STK31: variants seen among roughly 807,000 people sequenced by gnomAD.
The protein encoded by STK31 is serine/threonine-protein kinase 31.
In STK31, 89 loss-of-function variants were observed where a neutral mutation model predicts 129.7. That is an observed-to-expected ratio of 0.69 (90% CI 0.58 to 0.82). The LOEUF (loss-of-function observed/expected upper bound fraction) is 0.82, where lower values mean the gene tolerates loss of function less well. Ranked by LOEUF, STK31 falls within the 40% of genes least tolerant of loss-of-function variation. The pLI is 0.00. For missense variants in STK31, 1,187 were observed against 1,176.4 expected, an observed-to-expected ratio of 1.01 and a Z score of -0.13; for synonymous variants, 448 against 395.3, an observed-to-expected ratio of 1.13 and a Z score of -1.58.
chr7:23,713,858 T>C (rs1786128113), intron 3 of STK31, among the ~76,000 whole-genome samples: 1 of 151,750 alleles, frequency 6.6e-6, no homozygotes, highest in Non-Finnish European at 1.5e-5. Context: ...TAAGAAAAAT[T>C]ATAGTAAAAA....
chr7:23,805,437 A>C (rs377146146), intron 22 of STK31, among the ~76,000 whole-genome samples: 1 of 151,918 alleles, frequency 6.6e-6, no homozygotes, highest in Admixed American at 6.6e-5. Flanking sequence ...AAGGCATTAC[A>C]TTTTATTTCT....
rs1790069282 is a variant in STK31, at chr7:23,769,724, A to G, written c.1681A>G (p.Ser561Gly). Residue 561 changes from serine (S) to glycine (G), a missense_variant, in exon 13 of 24, where the codon AGT becomes GGT. Ser to Gly is a moderately conservative substitution (Grantham distance 56). Transcript: ENST00000355870. Reference sequence around the variant, plus strand: ...TGAAATCCTAGAGAAGACTGAGTCAAGTGTCTGCAAAGAGCTGGAGATAGC... The same window carrying G: ...TGAAATCCTAGAGAAGACTGAGTCAGGTGTCTGCAAAGAGCTGGAGATAGC... ...IDEILEKTES[S>G]VCKELEIALV... The G allele has an allele frequency of 6.2e-7, 1 of 1,610,972 alleles. No individual in the cohort carries two copies. Among genetic ancestry groups the G allele is most frequent in the Non-Finnish European group, 8.5e-7 (1 of 1,178,188 alleles).
At chr7:23,786,797 A>G (rs1231223497) in intron 19 of STK31, 41 bp from the exon 20 acceptor site, 2 of 1,585,400 alleles carry the variant, frequency 1.3e-6, no homozygotes, top group African/African-American at 1.4e-5. Context: ...TATGTTGAAG[A>G]AGTTTTTACT....
intron 4 of STK31, among the ~76,000 whole-genome samples, chr7:23,720,386 A>C (rs1786619766): frequency 6.6e-6 from 1 of 152,174 alleles, no homozygotes; most frequent in Non-Finnish European, 1.5e-5. Flanking sequence ...ATCTGGGATC[A>C]TATCTACCCT....
At chr7:23,771,163 T>C in intron 14 of STK31, 39 bp downstream of exon 14, 1 of 1,491,620 alleles carries the variant, frequency 6.7e-7, no homozygotes, top group Non-Finnish European at 8.9e-7. Flanking sequence ...TATAAATTGA[T>C]GATTTGAATT....
intron 8 of STK31, among the ~76,000 whole-genome samples, chr7:23,737,469 C>A (rs753363695): frequency 1.2e-4 from 18 of 152,102 alleles, no homozygotes; most frequent in Non-Finnish European, 2.2e-4. Context: ...GAAGAAGTCC[C>A]ATTCATATTA....
chr7:23,754,056 AT>A (rs1298365960), intron 9 of STK31, among the ~76,000 whole-genome samples: 5 of 152,014 alleles, frequency 3.3e-5, no homozygotes, highest in East Asian at 1.9e-4. Context: ...ATTTTTTCAT[AT>A]TTTTTATGTC....
At chr7:23,727,515 A>T in intron 5 of STK31, 200 bp downstream of exon 5, 2 of 387,052 alleles carry the variant, frequency 5.2e-6, no homozygotes, top group Non-Finnish European at 9.4e-6. Flanking sequence ...ATTATATAAT[A>T]TGTAGGTTAT....
intron 13 of STK31, among the ~76,000 whole-genome samples, chr7:23,770,230 C>A (rs1409901813): frequency 6.6e-6 from 1 of 152,152 alleles, no homozygotes; most frequent in Non-Finnish European, 1.5e-5. Flanking sequence ...AGTGTAGCTA[C>A]TCCAAAGGGT....
In STK31 at chr7:23,814,146, C is replaced by CTTTTTTTTTTTTTTTT. The variant is rs71552259; in HGVS notation, c.2761-996_2761-995insTTTTTTTTTTTTTTTT. On this transcript the variant is annotated intron_variant, in intron 22 of 23. Transcript: ENST00000355870. ...GTTGGGAAACATCAGATCTGGCTCA[C>CTTTTTTTTTTTTTTTT]TTATTTTTTTTTTTTTTTCAGTTGG... is the stretch of plus-strand genomic sequence containing the variant. Among the ~76,000 whole-genome samples, 151 of 98,910 alleles carry CTTTTTTTTTTTTTTTT rather than the reference C, an allele frequency of 1.5e-3. 47 individuals carry two copies. Among genetic ancestry groups the CTTTTTTTTTTTTTTTT allele is most frequent in the Non-Finnish European group, 1.7e-3 (90 of 53,212 alleles). The allele number at this position is 98,910 out of a possible 152,430, so 64.9% of individuals were successfully genotyped here.
At chr7:23,788,400 T>G (rs1450082892) in intron 21 of STK31, among the ~76,000 whole-genome samples, 1 of 152,154 alleles carries the variant, frequency 6.6e-6, no homozygotes, top group Non-Finnish European at 1.5e-5. Context: ...TAGGAAACAT[T>G]TAATTGCTAG....
intron 8 of STK31, among the ~76,000 whole-genome samples, chr7:23,746,390 T>A (rs1293800804): frequency 2.6e-5 from 4 of 152,196 alleles, no homozygotes; most frequent in Non-Finnish European, 4.4e-5. Context: ...AGGCTGCTTC[T>A]CTTCTTTCTC....
At chr7:23,821,324 G>C (rs1323321601) in intron 23 of STK31, among the ~76,000 whole-genome samples, 1 of 151,842 alleles carries the variant, frequency 6.6e-6, no homozygotes, top group Non-Finnish European at 1.5e-5. Flanking sequence ...ATAGTATTTG[G>C]CTATTTTTTG....
chr7:23,758,893 A>C (rs1789276939), intron 10 of STK31, among the ~76,000 whole-genome samples: 1 of 152,124 alleles, frequency 6.6e-6, no homozygotes, highest in Admixed American at 6.6e-5. Flanking sequence ...TATTCAGGAG[A>C]CCCATCTTCC....
chr7:23,819,365 C>G (rs926424296), intron 23 of STK31, among the ~76,000 whole-genome samples: 1 of 151,414 alleles, frequency 6.6e-6, no homozygotes, highest in African/African-American at 2.4e-5. Flanking sequence ...AATTTCAAAT[C>G]TTAAGGATCT....
intron 8 of STK31, among the ~76,000 whole-genome samples, chr7:23,738,264 A>G (rs1787837187): frequency 6.6e-6 from 1 of 152,238 alleles, no homozygotes; most frequent in African/African-American, 2.4e-5. Flanking sequence ...AAGGCAAGGT[A>G]CTGGGGCAGG....
intron 21 of STK31, among the ~76,000 whole-genome samples, chr7:23,790,058 T>TTTCTAA (rs1350466421): frequency 1.3e-5 from 2 of 152,154 alleles, no homozygotes; most frequent in Non-Finnish European, 2.9e-5. Flanking sequence ...CTGCAGTGGA[T>TTTCTAA]CATCTGCATT....
intron 23 of STK31, among the ~76,000 whole-genome samples, chr7:23,821,182 G>A (rs1402933314): frequency 1.3e-5 from 2 of 152,078 alleles, no homozygotes; most frequent in Non-Finnish European, 2.9e-5. Flanking sequence ...TTACTGGATT[G>A]TATGATAGTT....
chr7:23,832,076 T>C, intron 23 of STK31, 60 bp from the exon 24 acceptor site: 1 of 1,257,660 alleles, frequency 8.0e-7, no homozygotes, highest in South Asian at 1.3e-5. Context: ...TCCACTTCCT[T>C]CTTCATTACA....
Sources: allele counts gnomAD v4.1 joint callset (sites outside exome capture counted in the v4.1 genomes callset), GRCh38; gene constraint gnomAD v4.1.1; transcripts MANE v1.5; gene names NCBI Gene and HGNC (gene_info 2026-07-23, HGNC 2026-07-21).